KCND2: variants seen among roughly 807,000 people sequenced by gnomAD.
The protein encoded by KCND2 is potassium voltage-gated channel subfamily D member 2.
In KCND2, 16 loss-of-function variants were observed where a neutral mutation model predicts 54.4. That is an observed-to-expected ratio of 0.29 (90% CI 0.20 to 0.45). KCND2 has a LOEUF of 0.45. Ranked by LOEUF, KCND2 falls within the 20% of genes least tolerant of loss-of-function variation. KCND2 has a pLI of 1.00. For missense variants in KCND2, 486 were observed against 824.2 expected (o/e 0.59, Z 5.02); for synonymous variants, 317 against 310.7 (o/e 1.02, Z -0.21).
intron 1 of KCND2, among the ~76,000 whole-genome samples, chr7:120,512,214 T>C (rs1420056763): frequency 5.9e-5 from 9 of 152,040 alleles, no homozygotes; most frequent in Admixed American, 2.6e-4. Flanking sequence ...AATTTTTAGC[T>C]ACACTAAAAA....
intron 1 of KCND2, among the ~76,000 whole-genome samples, chr7:120,281,065 A>G (rs1024421908): frequency 6.6e-6 from 1 of 152,100 alleles, no homozygotes; most frequent in Non-Finnish European, 1.5e-5. Flanking sequence ...AAACTACTCA[A>G]TGGTGAATCT....
intron 1 of KCND2, among the ~76,000 whole-genome samples, chr7:120,711,872 T>C (rs1246927858): frequency 6.6e-6 from 1 of 152,120 alleles, no homozygotes; most frequent in Non-Finnish European, 1.5e-5. Flanking sequence ...AAATACTGGG[T>C]GATAATCAGG....
chr7:120,346,988 A>T (rs902958309), intron 1 of KCND2, among the ~76,000 whole-genome samples: 1 of 152,116 alleles, frequency 6.6e-6, no homozygotes, highest in Non-Finnish European at 1.5e-5. Flanking sequence ...GTCTAATGGG[A>T]GGACAATAAA....
At chr7:120,485,583 A>G (rs542595957) in intron 1 of KCND2, among the ~76,000 whole-genome samples, 7 of 152,212 alleles carry the variant, frequency 4.6e-5, no homozygotes, top group Non-Finnish European at 1.0e-4. Context: ...TGAATTGCCT[A>G]TGGACAAAAA....
At chr7:120,302,775 G>T (rs1799605328) in intron 1 of KCND2, among the ~76,000 whole-genome samples, 1 of 152,122 alleles carries the variant, frequency 6.6e-6, no homozygotes. Flanking sequence ...TTTTTCAGTG[G>T]TCTTATCTGG....
At chr7:120,441,889 C>T (rs1468548237) in intron 1 of KCND2, among the ~76,000 whole-genome samples, 10 of 152,052 alleles carry the variant, frequency 6.6e-5, no homozygotes, top group Non-Finnish European at 2.9e-5. Flanking sequence ...TGAACTACTA[C>T]CAAGTTGGCA....
chr7:120,357,715 G>C (rs1168337076), intron 1 of KCND2, among the ~76,000 whole-genome samples: 2 of 152,010 alleles, frequency 1.3e-5, no homozygotes, highest in East Asian at 1.9e-4. Flanking sequence ...CACAGTTCTG[G>C]AGGCTGGAAG....
chr7:120,508,654 CAA>C (rs1053259146), intron 1 of KCND2, among the ~76,000 whole-genome samples: 7 of 151,914 alleles, frequency 4.6e-5, no homozygotes, highest in Non-Finnish European at 1.0e-4. Flanking sequence ...GCAAATACCT[CAA>C]GTTTCAAAAG....
At chr7:120,561,737 A>G (rs1467909537) in intron 1 of KCND2, among the ~76,000 whole-genome samples, 1 of 150,542 alleles carries the variant, frequency 6.6e-6, no homozygotes, top group East Asian at 2.0e-4. Context: ...CCAGCCTCAC[A>G]AGTAGCTAGG....
At chr7:120,705,680 G>C (rs866725494) in intron 1 of KCND2, among the ~76,000 whole-genome samples, 7 of 152,206 alleles carry the variant, frequency 4.6e-5, no homozygotes, top group Admixed American at 1.3e-4. Context: ...GGATTTTCCT[G>C]GTTGCCAGGA....
rs561110130 is a variant in KCND2 at position 120,334,954 on chromosome 7, A to G, written c.1115+59207A>G. Among the ~76,000 whole-genome samples the G allele has an allele frequency of 2.1e-4, 32 of 152,334 alleles. No homozygotes were observed. In the South Asian group the frequency reaches 6.2e-3, roughly 30 times the overall value. On this transcript the variant is annotated intron_variant, in intron 1 of 5. Coordinates refer to ENST00000331113, the MANE Select transcript of KCND2 (RefSeq NM_012281.3). Reference sequence around the variant, plus strand: ...ATCCATTCTCCAACATGGATAGGACAAGCACCGGATGTGGAGATGACACCA... The same window carrying G: ...ATCCATTCTCCAACATGGATAGGACGAGCACCGGATGTGGAGATGACACCA...
At chr7:120,416,965 C>T (rs961440769) in intron 1 of KCND2, among the ~76,000 whole-genome samples, 1 of 152,150 alleles carries the variant, frequency 6.6e-6, no homozygotes, top group Non-Finnish European at 1.5e-5. Flanking sequence ...CCTGCCTCAG[C>T]CTCCCAGGTA....
intron 1 of KCND2, among the ~76,000 whole-genome samples, chr7:120,470,380 C>T (rs1802436672): frequency 6.6e-6 from 1 of 152,074 alleles, no homozygotes; most frequent in African/African-American, 2.4e-5. Flanking sequence ...CTTTCATTTT[C>T]TACTCTGCTA....
chr7:120,598,165 C>A (rs978863808), intron 1 of KCND2, among the ~76,000 whole-genome samples: 1 of 151,702 alleles, frequency 6.6e-6, no homozygotes, highest in Non-Finnish European at 1.5e-5. Flanking sequence ...TAAGTGGTTT[C>A]AATGAGGAAA....
intron 1 of KCND2, among the ~76,000 whole-genome samples, chr7:120,670,624 G>T (rs1791979207): frequency 6.6e-6 from 1 of 152,028 alleles, no homozygotes; most frequent in Non-Finnish European, 1.5e-5. Flanking sequence ...CTTTTGAAAA[G>T]GGATGAATAG....
intron 1 of KCND2, among the ~76,000 whole-genome samples, chr7:120,509,837 A>G (rs1028255540): frequency 6.6e-6 from 1 of 152,096 alleles, no homozygotes; most frequent in Non-Finnish European, 1.5e-5. Context: ...TTCAATAAGG[A>G]ATACAATACC....
rs144293187 is a variant in KCND2, at chr7:120,579,899, G to T, written c.1116-153004G>T. On this transcript the variant is annotated intron_variant, in intron 1 of 5. Coordinates refer to ENST00000331113, the MANE Select transcript of KCND2 (RefSeq NM_012281.3). Reference sequence around the variant, plus strand: ...TGGGCTTTTGTTAGGATTATGGAGGGGATTCACTGCATAGAGCATATGTTG... The same window carrying T: ...TGGGCTTTTGTTAGGATTATGGAGGTGATTCACTGCATAGAGCATATGTTG... Among the ~76,000 whole-genome samples the T allele has an allele frequency of 6.6e-4, 101 of 152,186 alleles. 1 individual carries two copies. Among genetic ancestry groups the T allele is most frequent in the Admixed American group, 5.2e-3 (80 of 15,282 alleles).
At chr7:120,632,211 A>G (rs1793242034) in intron 1 of KCND2, among the ~76,000 whole-genome samples, 2 of 152,226 alleles carry the variant, frequency 1.3e-5, no homozygotes, top group Admixed American at 1.3e-4. Context: ...ATGGTACAGA[A>G]TATCTCATAA....
chr7:120,321,830 C>G (rs1005659356), intron 1 of KCND2, among the ~76,000 whole-genome samples: 5 of 152,224 alleles, frequency 3.3e-5, no homozygotes, highest in African/African-American at 1.2e-4. Flanking sequence ...TCTGTCCTCA[C>G]CAACCTAATC....
Sources: gnomAD v4.1 joint callset for allele counts (sites outside exome capture counted in the v4.1 genomes callset) on GRCh38, gnomAD v4.1.1 for gene constraint, MANE v1.5 for transcripts, NCBI Gene and HGNC (gene_info 2026-07-23, HGNC 2026-07-21) for gene names.